The following ACBD6 variants were observed in gnomAD, a reference collection of about 807,000 sequenced individuals.
The protein encoded by ACBD6 is acyl-CoA binding domain containing 6, also known as acyl-CoA-binding domain-containing protein 6.
In ACBD6, 28 loss-of-function variants were observed where a neutral mutation model predicts 37.2. The observed-to-expected ratio is 0.75, with a 90% CI of 0.56 to 1.03. ACBD6 has a LOEUF of 1.03. Ranked by LOEUF, ACBD6 falls within the 50% of genes least tolerant of loss-of-function variation. ACBD6 has a pLI of 0.00. For missense variants in ACBD6, 340 were observed against 337.4 expected, an observed-to-expected ratio of 1.01 and a Z score of -0.06; for synonymous variants, 113 against 126.8, an observed-to-expected ratio of 0.89 and a Z score of 0.73.
At chr1:180,488,787 C>T (rs1469094622) in intron 3 of ACBD6, among the ~76,000 whole-genome samples, 1 of 151,936 alleles carries the variant, frequency 6.6e-6, no homozygotes, top group Non-Finnish European at 1.5e-5. Flanking sequence ...TGCTTTGTTG[C>T]CCAGGCTGCT....
At chr1:180,283,923 A>G (rs984386583), downstream of ACBD6, among the ~76,000 whole-genome samples, 1 of 152,186 alleles carries the variant, frequency 6.6e-6, no homozygotes, top group African/African-American at 2.4e-5. Flanking sequence ...CCAAAATTAA[A>G]AAAAACACCC....
At chr1:180,458,044 C>T (rs1178172093) in intron 3 of ACBD6, among the ~76,000 whole-genome samples, 1 of 152,138 alleles carries the variant, frequency 6.6e-6, no homozygotes, top group African/African-American at 2.4e-5. Context: ...GATCCACTCA[C>T]CTTGGCCTCC....
At chr1:180,500,050 G>C (rs773626398) in intron 1 of ACBD6, among the ~76,000 whole-genome samples, 2 of 151,618 alleles carry the variant, frequency 1.3e-5, no homozygotes, top group African/African-American at 4.8e-5. Flanking sequence ...AAGCTTCAAG[G>C]CTGCAGTGAG....
At chr1:180,321,479 G>T (rs1651066474) in intron 6 of ACBD6, among the ~76,000 whole-genome samples, 2 of 152,116 alleles carry the variant, frequency 1.3e-5, no homozygotes, top group South Asian at 4.1e-4. Flanking sequence ...TCAATGTTTT[G>T]TAGTTTTCAT....
chr1:180,333,498 T>C (rs1249677718), intron 6 of ACBD6, among the ~76,000 whole-genome samples: 1 of 152,222 alleles, frequency 6.6e-6, no homozygotes, highest in Non-Finnish European at 1.5e-5. Context: ...AGTGAATAAA[T>C]GATTCATAGA....
chr1:180,288,093 C>T (rs1649562210), downstream of ACBD6: 3 of 399,316 alleles, frequency 7.5e-6, no homozygotes, highest in East Asian at 5.2e-5. Flanking sequence ...CCTCTTCTGC[C>T]CACCCTCTAA....
chr1:180,411,732 C>A lies in ACBD6; in HGVS notation c.573+1634G>T, dbSNP rs71630261. ...CCAGGCTGGAGTGCCATGGCGCGAT[C>A]TAGGCTCACTGCAACCTCTGCCTCC... On this transcript the variant is annotated intron_variant, in intron 5 of 7. Transcript: ENST00000367595. 3.5e-3 allele frequency among the ~76,000 whole-genome samples: 532 copies of A among 152,274 alleles called. 2 individuals carry two copies. The highest frequency in any genetic ancestry group is 0.012 in the African/African-American group (500 of 41,552).
At chr1:180,340,800 T>C (rs148737671) in intron 6 of ACBD6, among the ~76,000 whole-genome samples, 2 of 152,154 alleles carry the variant, frequency 1.3e-5, no homozygotes, top group African/African-American at 4.8e-5. Context: ...CAGATGCAGG[T>C]AAGTCAGTAG....
In ACBD6 at chr1:180,397,500, T is replaced by C. The variant is rs773134764; in HGVS notation, c.663+16A>G. 5 of 1,603,620 alleles carry C rather than the reference T, an allele frequency of 3.1e-6. No individual in the cohort carries two copies. Among genetic ancestry groups the C allele is most frequent in the African/African-American group, 1.3e-5 (1 of 74,810 alleles). On this transcript the variant is annotated intron_variant, in intron 6 of 7. Coordinates refer to ENST00000367595, the MANE Select transcript of ACBD6 (RefSeq NM_032360.4). ...CTTCAATTTAAAAAATAAAAGCTCT[T>C]CTTTATCACTCTTACCTGACAGTTA...
intron 6 of ACBD6, among the ~76,000 whole-genome samples, chr1:180,321,317 T>G (rs999487527): frequency 6.6e-6 from 1 of 152,220 alleles, no homozygotes; most frequent in African/African-American, 2.4e-5. Context: ...GTTTTTCTAC[T>G]TCTGTGAAGA....
chr1:180,339,244 A>C (rs892410562), intron 6 of ACBD6, among the ~76,000 whole-genome samples: 3 of 152,132 alleles, frequency 2.0e-5, no homozygotes, highest in African/African-American at 7.2e-5. Flanking sequence ...ATGTTTACTG[A>C]GGCACTATTC....
intron 6 of ACBD6, among the ~76,000 whole-genome samples, chr1:180,321,382 G>C (rs1280060457): frequency 6.6e-6 from 1 of 152,136 alleles, no homozygotes; most frequent in Non-Finnish European, 1.5e-5. Flanking sequence ...ACTTTGGGTA[G>C]TATGGACATT....
At chr1:180,288,993 TA>T (rs370388243) in intron 7 of ACBD6, among the ~76,000 whole-genome samples, 1 of 147,336 alleles carries the variant, frequency 6.8e-6, no homozygotes, top group Non-Finnish European at 1.5e-5. Context: ...GTAAATTTTT[TA>T]AAAAAAAGCT....
intron 4 of ACBD6, among the ~76,000 whole-genome samples, chr1:180,426,207 G>A (rs1648575566): frequency 6.6e-6 from 1 of 152,290 alleles, no homozygotes; most frequent in Admixed American, 6.5e-5. Flanking sequence ...TGTGTAAGCA[G>A]AATTAATAAA....
chr1:180,313,234 T>C (rs953081251), intron 7 of ACBD6, among the ~76,000 whole-genome samples: 1 of 152,230 alleles, frequency 6.6e-6, no homozygotes, highest in Non-Finnish European at 1.5e-5. Flanking sequence ...GACTCACAAT[T>C]TTCCTTTCTC....
At chr1:180,284,858 A>G (rs1444278928), downstream of ACBD6, among the ~76,000 whole-genome samples, 1 of 152,172 alleles carries the variant, frequency 6.6e-6, no homozygotes, top group African/African-American at 2.4e-5. Flanking sequence ...TTTTGAATAA[A>G]TAAGATCATG....
chr1:180,289,850 T>C (rs1649633164), intron 7 of ACBD6, among the ~76,000 whole-genome samples: 1 of 152,152 alleles, frequency 6.6e-6, no homozygotes, highest in Non-Finnish European at 1.5e-5. Context: ...AAACAAAATT[T>C]TGCAAACCGG....
rs568422966 is a variant in ACBD6, at chr1:180,326,997, C to G, written c.664-12275G>C. On this transcript the variant is annotated intron_variant, in intron 6 of 7. Coordinates refer to ENST00000367595, the MANE Select transcript of ACBD6 (RefSeq NM_032360.4). ...GAAGGAAGGAGTCAGAGGGATGGCA[C>G]GAGCACTCCCTTTGTTGCCCTAGCT... 3.3e-5 allele frequency among the ~76,000 whole-genome samples: 5 copies of G among 152,230 alleles called. No individual in the cohort carries two copies. In the South Asian group the frequency reaches 1.0e-3, roughly 32 times the overall value.
chr1:180,496,072 T>C (rs897551929), intron 1 of ACBD6, among the ~76,000 whole-genome samples: 1 of 152,178 alleles, frequency 6.6e-6, no homozygotes, highest in Non-Finnish European at 1.5e-5. Context: ...GCAAAAAATT[T>C]CATGGGTTCT....
Sources: gnomAD v4.1 joint callset for allele counts (sites outside exome capture counted in the v4.1 genomes callset) on GRCh38, gnomAD v4.1.1 for gene constraint, MANE v1.5 for transcripts, NCBI Gene and HGNC (gene_info 2026-07-23, HGNC 2026-07-21) for gene names.